Variants in UCKL1 observed in about 807,000 individuals in gnomAD.
The protein encoded by UCKL1 is uridine-cytidine kinase 1 like 1.
A neutral mutation model predicts 59.2 loss-of-function variants in UCKL1; 65 were observed. That is an observed-to-expected ratio of 1.10 (90% CI 0.90 to 1.35). The LOEUF is 1.35. UCKL1 is among the 40% of genes most tolerant of loss of function. The pLI is 0.00. For synonymous variants in UCKL1, 410 were observed against 323.1 expected, an observed-to-expected ratio of 1.27 and a Z score of -2.88; for missense variants, 703 against 784.3, an observed-to-expected ratio of 0.90 and a Z score of 1.24.
At chr20:63,943,379 T>C (rs1008021350) in intron 8 of UCKL1, among the ~76,000 whole-genome samples, 2 of 152,250 alleles carry the variant, frequency 1.3e-5, no homozygotes, top group East Asian at 1.9e-4. Context: ...TCAAATCCCA[T>C]AGACAGACTC....
In UCKL1 at chr20:63,946,638, T is replaced by C. The variant is rs1212097048; in HGVS notation, c.119A>G (p.Asn40Ser). The stretch of plus-strand genomic sequence containing the variant: ...CAGGAGCCTGTCCAGGGACTCTGCA[T>C]TGCTGCTGCAGAGAGGGATGTACTC... ...KSETACEDRS[N>S]AESLDRLLPP... Residue 40 changes from asparagine to serine, a missense_variant, in exon 2 of 15, where the codon AAT becomes AGT. Physicochemically the swap from Asn to Ser is conservative, Grantham distance 46. Coordinates refer to ENST00000354216, the MANE Select transcript of UCKL1 (RefSeq NM_017859.4). The C allele has an allele frequency of 1.9e-6, 3 of 1,607,638 alleles. No individual in the cohort carries two copies. Among genetic ancestry groups the C allele is most frequent in the African/African-American group, 2.7e-5 (2 of 75,028 alleles).
intron 1 of UCKL1, chr20:63,955,657 C>G (rs916414054): frequency 6.6e-6 from 1 of 152,210 alleles, no homozygotes; most frequent in African/African-American, 2.4e-5. Context: ...GTGGCCACCG[C>G]CCCCTGACGG....
Position 63,940,819 on chromosome 20 carries a change from G to T in UCKL1, c.1154C>A (p.Ala385Glu). 1 of 1,571,468 alleles carries T rather than the reference G, an allele frequency of 6.4e-7. No homozygotes were observed. Among genetic ancestry groups the T allele is most frequent in the Non-Finnish European group, 8.6e-7 (1 of 1,160,014 alleles). The change falls in exon 11 of 15, where the codon GCG becomes GAG. Residue 385 changes from alanine to glutamate, a missense_variant. Transcript: ENST00000354216. Reference protein sequence around the residue: ...VVQTPQGQDYAGKCYAGKQIT... With the variant: ...VVQTPQGQDYEGKCYAGKQIT... ...CTGCTTCCCCGCATAGCACTTGCCC[G>T]CATAGTCCTGCCCCTGCGGGGTCTG...
At chr20:63,942,344 A>G (rs2427571) in intron 8 of UCKL1, 145,879 of 732,030 alleles carry the variant, frequency 0.2, 11,050 homozygotes, top group African/African-American at 0.38. Flanking sequence ...CAGGGCAGAA[A>G]AGAGGCGTGA....
Position 63,939,945 on chromosome 20 carries a change from G to T in UCKL1, c.*31C>A, listed in dbSNP as rs185510784. 2.3e-5 allele frequency: 36 copies of T among 1,597,620 alleles called. No homozygotes were observed. In the East Asian group the frequency reaches 7.8e-4, roughly 35 times the overall value. On this transcript the variant is annotated 3_prime_UTR_variant, in exon 15 of 15. Transcript: ENST00000354216. ...GTCCTGGGTCAGGAGGCAGGAGGAG[G>T]GTGGTGGGGACGGGATGGCTCACTG...
chr20:63,943,639 T>C lies in UCKL1; in HGVS notation c.923+14A>G, dbSNP rs776574090. ...AAGTGCCTCCATCTGTGCAGACAGCTGTGCAAGTCTTACCTGACGCTGAGT... is the reference window on the plus strand; with the variant it reads ...AAGTGCCTCCATCTGTGCAGACAGCCGTGCAAGTCTTACCTGACGCTGAGT... On this transcript the variant is annotated intron_variant, in intron 8 of 14. Transcript: ENST00000354216. The C allele has an allele frequency of 3.1e-6, 5 of 1,612,478 alleles. 1 individual carries two copies. The South Asian group carries it at 5.5e-5, about 18-fold the overall frequency.
chr20:63,944,365 G>A (rs1296835589), intron 7 of UCKL1, 32 bp downstream of exon 7: 2 of 1,537,978 alleles, frequency 1.3e-6, no homozygotes, highest in South Asian at 2.4e-5. Flanking sequence ...GGGGCTGGGG[G>A]CTAGGCCGTG....
At chr20:63,953,322 TG>T (rs1423804164) in intron 1 of UCKL1, 2 of 151,804 alleles carry the variant, frequency 1.3e-5, no homozygotes, top group African/African-American at 4.9e-5. Context: ...GAGGTTGCTG[TG>T]AGCTGAGATT....
At chr20:63,956,150 C>T (rs1409702005) in intron 1 of UCKL1, 110 bp downstream of exon 1, 7 of 1,072,826 alleles carry the variant, frequency 6.5e-6, no homozygotes, top group Admixed American at 8.0e-5. Flanking sequence ...GCCTGGCCTC[C>T]GGGAGTGGGG....
Position 63,946,154 on chromosome 20 carries a change from G to A in UCKL1, c.411+7C>T, listed in dbSNP as rs2056130195. The A allele has an allele frequency of 6.2e-7, 1 of 1,611,398 alleles. No homozygotes were observed. The highest frequency in any genetic ancestry group is 8.5e-7 in the Non-Finnish European group (1 of 1,179,050). On this transcript the variant is annotated splice_region_variant and intron_variant, in intron 3 of 14. Transcript: ENST00000354216. ...GGGGTCCTCGGGGGAGCTGGGCGGG[G>A]GCCCACCTTGTAGAAGGAGTCCATG... is the stretch of plus-strand genomic sequence containing the variant.
rs570906182 is a variant in UCKL1 at position 63,956,237 on chromosome 20, G to A, written c.113+23C>T. 5 of 1,508,386 alleles carry A rather than the reference G, an allele frequency of 3.3e-6. No homozygotes were observed. In the Admixed American group the frequency reaches 6.6e-5, roughly 20 times the overall value. 93.4% of individuals were successfully genotyped at this position (1,508,386 alleles called of 1,614,324 possible). ...CAGCCCCTTCCCGCTCGCCAGTGGA[G>A]TGGAGGCGAGGCCCACGCCTACCGG... On this transcript the variant is annotated intron_variant, in intron 1 of 14. Transcript: ENST00000354216.
chr20:63,946,091 T>G lies in UCKL1; in HGVS notation c.411+70A>C, dbSNP rs569298171. On this transcript the variant is annotated intron_variant, in intron 3 of 14. Transcript: ENST00000354216. Reference sequence around the variant, plus strand: ...CACGCTGGGGCTGAGACCAGGGACCTACTTTTGCAGGGGGTCCAGGGTCAG... The same window carrying G: ...CACGCTGGGGCTGAGACCAGGGACCGACTTTTGCAGGGGGTCCAGGGTCAG... 6,877 of 1,605,920 alleles carry G rather than the reference T, an allele frequency of 4.3e-3. 18 individuals are homozygous for G. The highest frequency in any genetic ancestry group is 5.3e-3 in the Non-Finnish European group (6,176 of 1,174,300).
chr20:63,952,559 T>C (rs2057821713), intron 1 of UCKL1, among the ~76,000 whole-genome samples: 1 of 152,194 alleles, frequency 6.6e-6, no homozygotes. Flanking sequence ...TATTCACTGG[T>C]GTTCCTCCCA....
Position 63,956,240 on chromosome 20 carries a change from G to A in UCKL1, c.113+20C>T, listed in dbSNP as rs752418854. 7.9e-6 allele frequency: 12 copies of A among 1,511,326 alleles called. No homozygotes were observed. The highest frequency in any genetic ancestry group is 1.8e-6 in the Non-Finnish European group (2 of 1,131,238). 93.6% of individuals were successfully genotyped at this position (1,511,326 alleles called of 1,614,324 possible). ...CCCCTTCCCGCTCGCCAGTGGAGTG[G>A]AGGCGAGGCCCACGCCTACCGGTCC... is the stretch of plus-strand genomic sequence containing the variant. On this transcript the variant is annotated intron_variant, in intron 1 of 14. Transcript: ENST00000354216.
Position 63,946,513 on chromosome 20 carries a change from C to T in UCKL1, c.244G>A (p.Ala82Thr), listed in dbSNP as rs766254364. The change falls in exon 2 of 15, where the codon GCC (alanine) becomes ACC (threonine). Residue 82 changes from alanine (A) to threonine (T), a missense_variant. Ala to Thr is a moderately conservative substitution (Grantham distance 58). This residue lies in a region of UCKL1 where 398 missense variants were observed against 373.0 expected (regional missense o/e 1.07). Transcript: ENST00000354216. The part of the protein sequence containing the change: ...LRTSKRTIYT[A>T]GRPPWYNEHG... Reference sequence around the variant, plus strand: ...TCATTGTACCAGGGCGGCCGCCCGGCGGTGTAGATGGTACGCTTGCTTGTA... The same window carrying T: ...TCATTGTACCAGGGCGGCCGCCCGGTGGTGTAGATGGTACGCTTGCTTGTA... 4 of 1,597,252 alleles carry T rather than the reference C, an allele frequency of 2.5e-6. No individual in the cohort carries two copies. Among genetic ancestry groups the T allele is most frequent in the Non-Finnish European group, 1.7e-6 (2 of 1,171,950 alleles).
intron 1 of UCKL1, among the ~76,000 whole-genome samples, chr20:63,947,073 T>G (rs1034552164): frequency 1.1e-4 from 16 of 148,304 alleles, no homozygotes; most frequent in African/African-American, 3.8e-4. Flanking sequence ...AGAGTGAGAC[T>G]CCACCTCAAA....
At chr20:63,942,554 G>C in intron 8 of UCKL1, 1 of 1,028,378 alleles carries the variant, frequency 9.7e-7, no homozygotes. Flanking sequence ...TTTACAGAGA[G>C]AAGGAAGAGA....
intron 3 of UCKL1, 25 bp from the exon 4 acceptor site, chr20:63,946,000 C>CT: frequency 1.2e-6 from 2 of 1,613,426 alleles, no homozygotes; most frequent in Non-Finnish European, 1.7e-6. Context: ...TGTGGAGCAG[C>CT]TGTGGGCACA....
chr20:63,948,708 AG>A (rs1347862229), intron 1 of UCKL1, among the ~76,000 whole-genome samples: 3 of 44,422 alleles, frequency 6.8e-5, no homozygotes, highest in Admixed American at 2.6e-4. Flanking sequence ...CGTGTAAGGG[AG>A]GGGGTGTGTG....
Sources: allele counts gnomAD v4.1 joint callset (sites outside exome capture counted in the v4.1 genomes callset), GRCh38; gene constraint gnomAD v4.1.1; regional missense constraint gnomAD v4.1.1; transcripts MANE v1.5; gene names NCBI Gene and HGNC (gene_info 2026-07-23, HGNC 2026-07-21).